The following PDE8B variants were observed in gnomAD, a reference collection of about 807,000 sequenced individuals.
PDE8B encodes phosphodiesterase 8B, also known as high affinity cAMP-specific and IBMX-insensitive 3',5'-cyclic phosphodiesterase 8B.
Under a neutral mutation model 101.3 loss-of-function variants are expected in PDE8B, and 26 were observed. The observed-to-expected ratio is 0.26, with a 90% CI of 0.19 to 0.36. PDE8B has a LOEUF of 0.36. PDE8B is among the 10% of genes least tolerant of loss of function. The pLI is 1.00. For missense variants in PDE8B, 810 were observed against 1,163.1 expected, an observed-to-expected ratio of 0.70 and a Z score of 4.42; for synonymous variants, 424 against 429.3, an observed-to-expected ratio of 0.99 and a Z score of 0.15.
intron 20 of PDE8B, among the ~76,000 whole-genome samples, chr5:77,422,989 T>A (rs968962264): frequency 6.6e-6 from 1 of 152,194 alleles, no homozygotes; most frequent in Admixed American, 6.5e-5. Context: ...TAGTACCCAA[T>A]AAGTAGTTTT....
At chr5:77,186,800 G>C in the PDE8B span, among the ~76,000 whole-genome samples, 78 of 152,298 alleles carry the variant, frequency 5.1e-4, no homozygotes, top group African/African-American at 1.8e-3. Context: ...GTGCACCATA[G>C]TGCGCAGAGG....
At chr5:77,326,450 G>C (rs1356654372) in intron 3 of PDE8B, among the ~76,000 whole-genome samples, 2 of 152,198 alleles carry the variant, frequency 1.3e-5, no homozygotes, top group Admixed American at 1.3e-4. Context: ...GTTAGTAAGT[G>C]AAATAAAAGG....
intron 1 of PDE8B, among the ~76,000 whole-genome samples, chr5:77,307,793 G>T (rs758574945): frequency 6.6e-6 from 1 of 152,158 alleles, no homozygotes; most frequent in Non-Finnish European, 1.5e-5. Flanking sequence ...TAGGAAGTGT[G>T]TCTCTCTTCA....
chr5:77,329,126 T>C (rs1353303707), intron 4 of PDE8B, 69 bp downstream of exon 4: 3 of 1,329,546 alleles, frequency 2.3e-6, no homozygotes, highest in East Asian at 2.3e-5. Flanking sequence ...AGATGTAATC[T>C]GGTTTTTGAG....
At chr5:77,167,187 G>T in the PDE8B span, among the ~76,000 whole-genome samples, 2 of 152,298 alleles carry the variant, frequency 1.3e-5, no homozygotes, top group East Asian at 3.9e-4. Context: ...GTCATAGCAG[G>T]CACTAATTCC....
intron 1 of PDE8B, among the ~76,000 whole-genome samples, chr5:77,231,613 T>C (rs1371882826): frequency 1.3e-5 from 2 of 152,332 alleles, no homozygotes; most frequent in East Asian, 3.9e-4. Flanking sequence ...TTGATTGCAG[T>C]TGTCAAAGTT....
chr5:77,333,108 A>G (rs1299785175), intron 5 of PDE8B, among the ~76,000 whole-genome samples: 1 of 152,090 alleles, frequency 6.6e-6, no homozygotes, highest in African/African-American at 2.4e-5. Flanking sequence ...GATTCAAGGT[A>G]GTCTAGTGGC....
At chr5:77,276,597 C>T (rs1322402544) in intron 1 of PDE8B, among the ~76,000 whole-genome samples, 1 of 152,142 alleles carries the variant, frequency 6.6e-6, no homozygotes, top group Admixed American at 6.6e-5. Context: ...TTTATCTGTT[C>T]AGCATCAGAC....
At chr5:77,327,698 G>A (rs1200218487) in intron 3 of PDE8B, among the ~76,000 whole-genome samples, 3 of 152,164 alleles carry the variant, frequency 2.0e-5, no homozygotes, top group African/African-American at 7.2e-5. Context: ...TGCCCTGTGG[G>A]GTGGCTGACT....
the PDE8B span, among the ~76,000 whole-genome samples, chr5:77,171,450 T>G: frequency 6.6e-6 from 1 of 152,244 alleles, no homozygotes; most frequent in African/African-American, 2.4e-5. Context: ...AGGCTTGACC[T>G]TAATCCTGGC....
At chr5:77,307,703 G>A (rs1354698782) in intron 1 of PDE8B, among the ~76,000 whole-genome samples, 1 of 152,022 alleles carries the variant, frequency 6.6e-6, no homozygotes, top group African/African-American at 2.4e-5. Context: ...GACACACTAC[G>A]AATGTTATAC....
intron 2 of PDE8B, among the ~76,000 whole-genome samples, chr5:77,321,142 ATTTTTTTT>A (rs10538529): frequency 1.6e-4 from 12 of 76,436 alleles, no homozygotes; most frequent in Non-Finnish European, 2.7e-4. Context: ...CAGTATCTCT[ATTTTTTTT>A]TTTTTTTTTT....
the PDE8B span, among the ~76,000 whole-genome samples, chr5:77,110,271 C>CT: frequency 7.9e-5 from 12 of 151,014 alleles, no homozygotes; most frequent in Admixed American, 2.0e-4. Context: ...ATGGCCAGCG[C>CT]TTTTTTTTTC....
At chr5:77,094,234 C>T in the PDE8B span, among the ~76,000 whole-genome samples, 1 of 152,170 alleles carries the variant, frequency 6.6e-6, no homozygotes, top group Non-Finnish European at 1.5e-5. Flanking sequence ...GCCATCTAGT[C>T]CATTCCCAGC....
chr5:77,180,352 G>T, the PDE8B span: 19 of 713,156 alleles, frequency 2.7e-5, no homozygotes, highest in African/African-American at 3.8e-5. Context: ...GAGGCCCGGG[G>T]AGTGGGGTGC....
At chr5:77,283,595 C>A (rs755320827) in intron 1 of PDE8B, among the ~76,000 whole-genome samples, 1 of 152,176 alleles carries the variant, frequency 6.6e-6, no homozygotes, top group Non-Finnish European at 1.5e-5. Context: ...ATGGCCTTTT[C>A]GGATTGACTT....
At chr5:77,192,619 A>G in the PDE8B span, among the ~76,000 whole-genome samples, 5 of 152,210 alleles carry the variant, frequency 3.3e-5, no homozygotes, top group African/African-American at 1.2e-4. Context: ...CTATTATTTT[A>G]AAAGCTACTA....
At position 77,226,833 on chromosome 5, in the gene PDE8B, G is replaced by T. The variant is rs551103227; in HGVS notation, c.339+15569G>T. On this transcript the variant is annotated intron_variant, in intron 1 of 21. Coordinates refer to ENST00000264917, the MANE Select transcript of PDE8B (RefSeq NM_003719.5). ...CCAGCTATAGTTTCATTTTCATGGA[G>T]GTGTGAGATCTCTGAGACAAATTGT... Among the ~76,000 whole-genome samples, 5 of 152,254 alleles carry T rather than the reference G, an allele frequency of 3.3e-5. No individual in the cohort carries two copies. The South Asian group carries it at 8.3e-4, about 25-fold the overall frequency.
At chr5:77,385,212 G>T (rs971737077) in intron 10 of PDE8B, among the ~76,000 whole-genome samples, 4 of 152,164 alleles carry the variant, frequency 2.6e-5, no homozygotes, top group African/African-American at 9.7e-5. Flanking sequence ...GAGGGTGTAT[G>T]TGTCCAGGAA....
Sources: gnomAD v4.1 joint callset for allele counts (sites outside exome capture counted in the v4.1 genomes callset) on GRCh38, gnomAD v4.1.1 for gene constraint, MANE v1.5 for transcripts, NCBI Gene and HGNC (gene_info 2026-07-23, HGNC 2026-07-21) for gene names.